The following PRKN variants were observed in gnomAD, a reference collection of about 807,000 sequenced individuals.
PRKN encodes parkin RBR E3 ubiquitin protein ligase.
In PRKN, 56 loss-of-function variants were observed where a neutral mutation model predicts 59.5. The observed-to-expected ratio is 0.94, with a 90% confidence interval of 0.76 to 1.18. PRKN has a LOEUF of 1.18. PRKN is among the 50% of genes most tolerant of loss of function. The pLI is 0.00. For synonymous variants in PRKN, 250 were observed against 222.1 expected (o/e 1.13, Z -1.12); for missense variants, 657 against 596.4 (o/e 1.10, Z -1.06).
intron 8 of PRKN, among the ~76,000 whole-genome samples, chr6:161,558,946 T>C (rs1406234856): frequency 6.6e-6 from 1 of 150,466 alleles, no homozygotes; most frequent in East Asian, 2.0e-4. Context: ...CAGCTACTGA[T>C]GAAGTGAATT....
rs571478976 is a variant in PRKN at position 161,498,538 on chromosome 6, G to A, written c.1083+50316C>T. Among the ~76,000 whole-genome samples the A allele has an allele frequency of 8.5e-5, 13 of 152,192 alleles. No individual in the cohort carries two copies. The East Asian group carries it at 2.3e-3, about 27-fold the overall frequency. ...TTAGATGTCGTCAAATGCCTTGTTT[G>A]GCCAATGAAATGTGGGTGGCAATGA... On this transcript the variant is annotated intron_variant, in intron 9 of 11. Transcript: ENST00000366898. The surrounding 1 kb of genome is among the most constrained non-coding windows in gnomAD (Gnocchi z 4.2).
At chr6:161,559,324 A>G (rs1780366665) in intron 8 of PRKN, among the ~76,000 whole-genome samples, 1 of 152,178 alleles carries the variant, frequency 6.6e-6, no homozygotes, top group Non-Finnish European at 1.5e-5. Flanking sequence ...TTTCCTCACA[A>G]GAGTTCCTAC....
chr6:162,018,431 T>C (rs922598351), intron 5 of PRKN, among the ~76,000 whole-genome samples: 2 of 152,152 alleles, frequency 1.3e-5, no homozygotes, highest in African/African-American at 4.8e-5. Context: ...GTGGTTAAAA[T>C]AAGAAAAACT....
intron 1 of PRKN, among the ~76,000 whole-genome samples, chr6:162,531,322 C>T (rs946366694): frequency 3.9e-5 from 6 of 152,020 alleles, no homozygotes; most frequent in Non-Finnish European, 8.8e-5. Context: ...TAGACAGAGC[C>T]GATTCATCAC....
At chr6:162,288,760 C>G (rs967926865) in intron 2 of PRKN, among the ~76,000 whole-genome samples, 1 of 152,124 alleles carries the variant, frequency 6.6e-6, no homozygotes, top group African/African-American at 2.4e-5. Flanking sequence ...TACCATGATA[C>G]CATTTATAAA....
chr6:162,659,266 C>T (rs1027344569), intron 1 of PRKN, among the ~76,000 whole-genome samples: 5 of 152,008 alleles, frequency 3.3e-5, no homozygotes, highest in Non-Finnish European at 5.9e-5. Context: ...GGCCAACTTC[C>T]AGCTTTGGAT....
In PRKN at chr6:161,799,452, C is replaced by G. The variant is rs146512832; in HGVS notation, c.735-13544G>C. On this transcript the variant is annotated intron_variant, in intron 6 of 11. Coordinates refer to ENST00000366898, the MANE Select transcript of PRKN (RefSeq NM_004562.3). ...AAAAGCTGAAAACACCATCTCCCCCCATCTGCCAGAGTTAGGCTCATCCGT... is the reference window on the plus strand; with the variant it reads ...AAAAGCTGAAAACACCATCTCCCCCGATCTGCCAGAGTTAGGCTCATCCGT... Among the ~76,000 whole-genome samples the G allele has an allele frequency of 5.9e-3, 896 of 152,324 alleles. 5 individuals carry two copies. Among genetic ancestry groups the G allele is most frequent in the Middle Eastern group, 0.01 (3 of 294 alleles).
At chr6:162,425,472 A>C (rs1457893519) in intron 2 of PRKN, among the ~76,000 whole-genome samples, 1 of 152,210 alleles carries the variant, frequency 6.6e-6, no homozygotes, top group East Asian at 1.9e-4. Flanking sequence ...CTATTTTTCA[A>C]ATGATTAAAG....
intron 1 of PRKN, among the ~76,000 whole-genome samples, chr6:162,517,783 G>T (rs1364937703): frequency 6.6e-6 from 1 of 152,044 alleles, no homozygotes; most frequent in Non-Finnish European, 1.5e-5. Flanking sequence ...CAAAAAAACT[G>T]GGTTTTATGT....
chr6:162,055,767 A>G (rs996844758), intron 4 of PRKN, among the ~76,000 whole-genome samples: 2 of 152,090 alleles, frequency 1.3e-5, no homozygotes, highest in Non-Finnish European at 2.9e-5. Context: ...TAGGAGCTAA[A>G]TCGGTCATCA....
intron 2 of PRKN, among the ~76,000 whole-genome samples, chr6:162,295,358 T>C (rs1453118926): frequency 8.5e-5 from 13 of 152,202 alleles, no homozygotes; most frequent in Admixed American, 5.9e-4. Flanking sequence ...TTTTACTCGA[T>C]TGCCTTGATA....
In PRKN at chr6:161,891,979, G is replaced by A. The variant is rs924624072; in HGVS notation, c.734+81323C>T. Among the ~76,000 whole-genome samples the A allele has an allele frequency of 2.6e-5, 4 of 151,922 alleles. No homozygotes were observed. The East Asian group carries it at 7.7e-4, about 29-fold the overall frequency. On this transcript the variant is annotated intron_variant, in intron 6 of 11. Transcript: ENST00000366898. ...GTTTTCTTGGAAGTGGATGGTTTAC[G>A]AAATTCCCAATACATTTCCTTTGCA... is the stretch of plus-strand genomic sequence containing the variant.
chr6:162,652,600 T>C (rs928903169), intron 1 of PRKN, among the ~76,000 whole-genome samples: 6 of 152,156 alleles, frequency 3.9e-5, no homozygotes, highest in Non-Finnish European at 7.4e-5. Context: ...AAATATATTT[T>C]AGATTGCTTA....
chr6:162,263,650 T>C (rs1779997572), intron 2 of PRKN, among the ~76,000 whole-genome samples: 1 of 152,190 alleles, frequency 6.6e-6, no homozygotes, highest in African/African-American at 2.4e-5. Flanking sequence ...GGAATTCTAG[T>C]TTCAGAATAT....
intron 6 of PRKN, among the ~76,000 whole-genome samples, chr6:161,880,593 C>T (rs540287007): frequency 2.6e-5 from 4 of 152,248 alleles, no homozygotes; most frequent in Admixed American, 2.0e-4. Flanking sequence ...GGAGGAGCAC[C>T]GGCCCACGAG....
chr6:162,404,900 A>T (rs539499707), intron 2 of PRKN, among the ~76,000 whole-genome samples: 85 of 152,318 alleles, frequency 5.6e-4, no homozygotes, highest in African/African-American at 2.0e-3. Context: ...CCAAGTAAGG[A>T]AATACTTTTA....
At chr6:162,519,124 C>T (rs142477608) in intron 1 of PRKN, among the ~76,000 whole-genome samples, 12,195 of 152,090 alleles carry the variant, frequency 0.08, 519 homozygotes, top group South Asian at 0.16. Context: ...GAACCGAGAT[C>T]GCACCATTGC....
Position 162,020,981 on chromosome 6 carries a change from T to C in PRKN, c.618+33110A>G, listed in dbSNP as rs184129608. ...AGCCGGGCATGGTGGTGCGCACCTG[T>C]AATCCCAGCTACTCAGGAGGCTGAG... On this transcript the variant is annotated intron_variant, in intron 5 of 11. Transcript: ENST00000366898. Among the ~76,000 whole-genome samples the C allele has an allele frequency of 3.5e-3, 523 of 150,894 alleles. 2 individuals carry two copies. Among genetic ancestry groups the C allele is most frequent in the Admixed American group, 6.0e-3 (90 of 15,118 alleles).
At chr6:162,287,085 G>T (rs1417621176) in intron 2 of PRKN, among the ~76,000 whole-genome samples, 1 of 152,148 alleles carries the variant, frequency 6.6e-6, no homozygotes, top group Non-Finnish European at 1.5e-5. Context: ...GTCTCCAAAG[G>T]CTGTCCCATC....
Sources: gnomAD v4.1 joint callset for allele counts (sites outside exome capture counted in the v4.1 genomes callset) on GRCh38, gnomAD v4.1.1 for gene constraint, Gnocchi (gnomAD v3.1) non-coding constraint, MANE v1.5 for transcripts, NCBI Gene and HGNC (gene_info 2026-07-23, HGNC 2026-07-21) for gene names.